The following EBF2 variants were observed in gnomAD, a reference collection of about 807,000 sequenced individuals.
The protein encoded by EBF2 is EBF transcription factor 2, also known as transcription factor COE2.
A neutral mutation model predicts 72.8 loss-of-function variants in EBF2; 21 were observed. The ratio of observed to expected loss-of-function variants is 0.29; its 90% CI spans 0.20 to 0.42. EBF2 has a LOEUF of 0.42. EBF2 is among the 10% of genes least tolerant of loss of function. EBF2 has a pLI of 1.00. For missense variants in EBF2, 637 were observed against 731.2 expected (o/e 0.87, Z 1.49); for synonymous variants, 299 against 274.2 (o/e 1.09, Z -0.89).
At chr8:25,938,428 G>A (rs1250554291) in intron 6 of EBF2, among the ~76,000 whole-genome samples, 2 of 147,394 alleles carry the variant, frequency 1.4e-5, no homozygotes, top group Non-Finnish European at 3.0e-5. Flanking sequence ...TCTTGCTCTA[G>A]TTGGACAGCT....
At chr8:25,981,710 C>T (rs982468095) in intron 6 of EBF2, among the ~76,000 whole-genome samples, 1 of 151,170 alleles carries the variant, frequency 6.6e-6, no homozygotes, top group Non-Finnish European at 1.5e-5. Context: ...GCAGGAGAAT[C>T]ACTTGAACCT....
intron 6 of EBF2, among the ~76,000 whole-genome samples, chr8:25,925,565 A>T (rs745527966): frequency 6.6e-6 from 1 of 152,118 alleles, no homozygotes; most frequent in Non-Finnish European, 1.5e-5. Context: ...ACTTCAGCCA[A>T]TCGTCATGAA....
At chr8:26,039,069 A>G (rs756863661) in intron 5 of EBF2, among the ~76,000 whole-genome samples, 3 of 152,204 alleles carry the variant, frequency 2.0e-5, no homozygotes, top group African/African-American at 4.8e-5. Flanking sequence ...AAATTTTCAT[A>G]ATAAAATAGC....
chr8:25,983,209 A>G (rs779840151), intron 6 of EBF2, among the ~76,000 whole-genome samples: 5 of 152,192 alleles, frequency 3.3e-5, no homozygotes, highest in Admixed American at 1.3e-4. Context: ...ATGGAATAGT[A>G]TTTCCCATTT....
chr8:25,936,472 A>G (rs1266526443), intron 6 of EBF2, among the ~76,000 whole-genome samples: 1 of 152,184 alleles, frequency 6.6e-6, no homozygotes, highest in African/African-American at 2.4e-5. Context: ...TATCCAAACC[A>G]TGGGAACCCC....
rs961076299 is a variant in EBF2 at position 25,930,166 on chromosome 8, A to C, written c.552-21611T>G. On this transcript the variant is annotated intron_variant, in intron 6 of 15. Coordinates refer to ENST00000520164, the MANE Select transcript of EBF2 (RefSeq NM_022659.4). Reference sequence around the variant, plus strand: ...TATTCAGGTTACATCTCCAGGGCTCATCCAGAATCAGGTATACTTCTTGAC... The same window carrying C: ...TATTCAGGTTACATCTCCAGGGCTCCTCCAGAATCAGGTATACTTCTTGAC... 1.9e-4 allele frequency among the ~76,000 whole-genome samples: 29 copies of C among 152,186 alleles called. 1 individual carries two copies. Among genetic ancestry groups the C allele is most frequent in the African/African-American group, 6.0e-4 (25 of 41,458 alleles).
chr8:25,882,431 T>TG (rs1802619363), intron 10 of EBF2, among the ~76,000 whole-genome samples: 1 of 152,246 alleles, frequency 6.6e-6, no homozygotes, highest in East Asian at 1.9e-4. Flanking sequence ...GACCTGGCTG[T>TG]ACCAGCTTGT....
chr8:25,996,490 AC>A (rs1205953856), intron 6 of EBF2, among the ~76,000 whole-genome samples: 2 of 152,174 alleles, frequency 1.3e-5, no homozygotes, highest in Non-Finnish European at 2.9e-5. Flanking sequence ...TTGAGTACTT[AC>A]AAAAAATGAT....
intron 7 of EBF2, among the ~76,000 whole-genome samples, chr8:25,894,013 T>G (rs928127174): frequency 4.6e-5 from 7 of 152,238 alleles, no homozygotes; most frequent in East Asian, 3.8e-4. Context: ...TGTGTGTGCA[T>G]GTGTACGTAT....
At chr8:25,886,717 C>T in intron 10 of EBF2, 38 bp downstream of exon 10, 1 of 1,583,848 alleles carries the variant, frequency 6.3e-7, no homozygotes, top group Non-Finnish European at 8.6e-7. Flanking sequence ...AAAGGCAAAC[C>T]AGAAGCCAGC....
At chr8:25,864,491 GATACACACAAACACAC>G (rs1349780439) in intron 10 of EBF2, among the ~76,000 whole-genome samples, 127 of 129,146 alleles carry the variant, frequency 9.8e-4, no homozygotes, top group African/African-American at 3.7e-3. Context: ...AGAACTGGTA[GATACACACAAACACAC>G]ACACACACAC....
chr8:25,993,189 C>A (rs1804573018), intron 6 of EBF2, among the ~76,000 whole-genome samples: 3 of 152,188 alleles, frequency 2.0e-5, no homozygotes, highest in Admixed American at 2.0e-4. Context: ...GTGCCCAGAA[C>A]CTTAGTTTTC....
chr8:26,040,078 A>G lies in EBF2; in HGVS notation c.432T>C (p.Asn144=). 6 of 1,613,908 alleles carry G rather than the reference A, an allele frequency of 3.7e-6. No homozygotes were observed. The highest frequency in any genetic ancestry group is 5.1e-6 in the Non-Finnish European group (6 of 1,179,906). Residue 144 remains asparagine (N), a synonymous_variant, in exon 5 of 16, where the codon AAT becomes AAC. Coordinates refer to ENST00000520164, the MANE Select transcript of EBF2 (RefSeq NM_022659.4). ...GAACTCGGCACATTTCCGGATTCTT[A>G]TTCTGTCCCTCGTAAGCGATGGGCT... The part of the protein sequence containing the change: ...TKQPIAYEGQ[N]KNPEMCRVLL...
intron 7 of EBF2, among the ~76,000 whole-genome samples, chr8:25,895,437 C>T (rs1006311002): frequency 1.6e-4 from 25 of 152,110 alleles, no homozygotes; most frequent in Admixed American, 1.6e-3. Context: ...GTGGTAGGTT[C>T]CATTTTAAAT....
chr8:25,880,316 C>T (rs954574939), intron 10 of EBF2, among the ~76,000 whole-genome samples: 2 of 152,174 alleles, frequency 1.3e-5, no homozygotes, highest in African/African-American at 4.8e-5. Context: ...TCAATGTTCA[C>T]AAGTCTCAAA....
chr8:25,956,048 C>T (rs1302137044), intron 6 of EBF2, among the ~76,000 whole-genome samples: 2 of 151,988 alleles, frequency 1.3e-5, no homozygotes, highest in Non-Finnish European at 2.9e-5. Flanking sequence ...TTTTGTCCCC[C>T]CAAATATGTG....
chr8:25,997,881 T>C (rs1804663127), intron 6 of EBF2, among the ~76,000 whole-genome samples: 1 of 152,046 alleles, frequency 6.6e-6, no homozygotes, highest in African/African-American at 2.4e-5. Context: ...AAAAGCTAAT[T>C]TTATAATAAT....
chr8:26,002,774 A>C (rs1324085103), intron 6 of EBF2, among the ~76,000 whole-genome samples: 1 of 152,064 alleles, frequency 6.6e-6, no homozygotes, highest in Non-Finnish European at 1.5e-5. Flanking sequence ...GCCTCTTCTA[A>C]AGTCAGAATG....
intron 6 of EBF2, among the ~76,000 whole-genome samples, chr8:25,953,190 G>A (rs151014288): frequency 7.6e-4 from 115 of 152,296 alleles, no homozygotes; most frequent in African/African-American, 2.7e-3. Context: ...TGACCATGGC[G>A]AGTGGACTGT....
Sources: allele counts gnomAD v4.1 joint callset (sites outside exome capture counted in the v4.1 genomes callset), GRCh38; gene constraint gnomAD v4.1.1; transcripts MANE v1.5; gene names NCBI Gene and HGNC (gene_info 2026-07-23, HGNC 2026-07-21).